The following TRIM36 variants were observed in gnomAD, a reference collection of about 807,000 sequenced individuals.
The protein encoded by TRIM36 is E3 ubiquitin-protein ligase TRIM36.
A neutral mutation model predicts 72.4 loss-of-function variants in TRIM36; 42 were observed. The ratio of observed to expected loss-of-function variants is 0.58; its 90% CI spans 0.45 to 0.75. The LOEUF (loss-of-function observed/expected upper bound fraction) is 0.75, where lower values mean the gene tolerates loss of function less well. Ranked by LOEUF, TRIM36 falls within the 30% of genes least tolerant of loss-of-function variation. The pLI, the probability that TRIM36 is intolerant of heterozygous loss-of-function variation, is 0.00. For synonymous variants in TRIM36, 315 were observed against 282.8 expected (o/e 1.11, Z -1.14); for missense variants, 913 against 857.1 (o/e 1.07, Z -0.81).
chr5:115,150,264 C>A (rs1485037392), intron 2 of TRIM36, among the ~76,000 whole-genome samples: 1 of 152,180 alleles, frequency 6.6e-6, no homozygotes, highest in Non-Finnish European at 1.5e-5. Context: ...CAACTTTCTA[C>A]TTTCCATGGC....
intron 7 of TRIM36, among the ~76,000 whole-genome samples, 168 bp from the exon 8 acceptor site, chr5:115,134,315 A>G (rs1172073090): frequency 2.0e-5 from 3 of 151,804 alleles, no homozygotes; most frequent in Non-Finnish European, 4.4e-5. Context: ...TATATTAAAT[A>G]TTTTTTATAT....
intron 8 of TRIM36, among the ~76,000 whole-genome samples, chr5:115,131,690 G>GGATACATGCTACAACATGTAT (rs1162259570): frequency 2.0e-5 from 3 of 152,108 alleles, no homozygotes; most frequent in Non-Finnish European, 2.9e-5. Flanking sequence ...ACATACATTT[G>GGATACATGCTACAACATGTAT]GATACATGCT....
At chr5:115,140,796 T>A (rs139429356) in intron 5 of TRIM36, among the ~76,000 whole-genome samples, 1 of 152,328 alleles carries the variant, frequency 6.6e-6, no homozygotes, top group African/African-American at 2.4e-5. Context: ...AGATCCCACT[T>A]TGTGACAATT....
intron 1 of TRIM36, among the ~76,000 whole-genome samples, chr5:115,179,533 T>A (rs541033264): frequency 6.6e-6 from 1 of 152,336 alleles, no homozygotes; most frequent in African/African-American, 2.4e-5. Context: ...GATCGCACAC[T>A]TCGAGCCTGT....
intron 2 of TRIM36, among the ~76,000 whole-genome samples, chr5:115,161,651 G>A (rs78038489): frequency 0.013 from 2,028 of 152,236 alleles, 42 homozygotes; most frequent in African/African-American, 0.047. Context: ...CCCTGACACT[G>A]CCAAGTGGTT....
chr5:115,152,475 C>T (rs543345161), intron 2 of TRIM36, among the ~76,000 whole-genome samples: 8 of 152,132 alleles, frequency 5.3e-5, no homozygotes, highest in Admixed American at 2.0e-4. Flanking sequence ...AAAACTACCC[C>T]AGCCTTGCTA....
At chr5:115,131,115 A>T (rs1249345598) in intron 8 of TRIM36, among the ~76,000 whole-genome samples, 1 of 152,156 alleles carries the variant, frequency 6.6e-6, no homozygotes, top group Non-Finnish European at 1.5e-5. Context: ...GCAGATGTAA[A>T]TATTTTAAAT....
chr5:115,151,529 G>A (rs1310689763), intron 2 of TRIM36, among the ~76,000 whole-genome samples: 4 of 152,182 alleles, frequency 2.6e-5, no homozygotes, highest in African/African-American at 9.7e-5. Flanking sequence ...TACCACCACA[G>A]TTGATGCTCT....
chr5:115,131,919 T>C (rs1752699923), intron 8 of TRIM36, among the ~76,000 whole-genome samples: 1 of 152,114 alleles, frequency 6.6e-6, no homozygotes, highest in Admixed American at 6.5e-5. Context: ...AGGGTTTCAG[T>C]TTAGAATAAT....
At chr5:115,155,296 C>T (rs1236806844) in intron 2 of TRIM36, among the ~76,000 whole-genome samples, 4 of 152,066 alleles carry the variant, frequency 2.6e-5, no homozygotes, top group African/African-American at 4.8e-5. Flanking sequence ...TGCAGTGAGC[C>T]GAGATCGCAC....
chr5:115,165,741 T>C (rs1754732975), intron 1 of TRIM36, among the ~76,000 whole-genome samples: 4 of 151,682 alleles, frequency 2.6e-5, no homozygotes, highest in Admixed American at 1.3e-4. Flanking sequence ...TGCTCCTGGG[T>C]GCAATTGCAG....
intron 6 of TRIM36, 104 bp downstream of exon 6, chr5:115,137,259 C>T: frequency 6.7e-7 from 1 of 1,492,298 alleles, no homozygotes; most frequent in South Asian, 1.4e-5. Flanking sequence ...ATGTACCTCA[C>T]ATTAACACAG....
chr5:115,163,897 T>A, intron 1 of TRIM36, 145 bp from the exon 2 acceptor site: 1 of 760,882 alleles, frequency 1.3e-6, no homozygotes, highest in East Asian at 2.7e-5. Flanking sequence ...TTTTCCCCAA[T>A]AAAATTTGAT....
At chr5:115,130,526 A>T in intron 9 of TRIM36, 66 bp downstream of exon 9, 1 of 1,519,656 alleles carries the variant, frequency 6.6e-7, no homozygotes, top group Non-Finnish European at 8.9e-7. Context: ...AATGTAACAA[A>T]GCCAAATCTA....
intron 4 of TRIM36, among the ~76,000 whole-genome samples, chr5:115,142,834 T>C (rs146827887): frequency 6.2e-4 from 95 of 152,310 alleles, no homozygotes; most frequent in Middle Eastern, 3.4e-3. Context: ...CCCAGTTCTT[T>C]AGGAACTAAT....
Position 115,130,633 on chromosome 5 carries a change from T to C in TRIM36, c.1755A>G (p.Leu585=), listed in dbSNP as rs940986647. 13 of 1,614,094 alleles carry C rather than the reference T, an allele frequency of 8.1e-6. No individual in the cohort carries two copies. The East Asian group carries it at 1.1e-4, about 14-fold the overall frequency. ...CCCGGGGAGAACGGAGCCATTCTTG[T>C]AGTTTATCGCTAGAAGCAACTCCCA... ...VKVGVASSDK[L]QEWLRSPRDA... The change falls in exon 9 of 10, where the codon CTA becomes CTG. Residue 585 remains leucine, a synonymous_variant. Transcript: ENST00000513154.
chr5:115,126,273 C>A lies in TRIM36; in HGVS notation c.*230G>T. On this transcript the variant is annotated 3_prime_UTR_variant, in exon 10 of 10. Coordinates refer to ENST00000513154, the MANE Select transcript of TRIM36 (RefSeq NM_001300759.2). ...AAAGACAGTCCAGTTGCAAAGTTAA[C>A]CACTTCAGTATTAACTTGGAAAGAA... The A allele has an allele frequency of 2.1e-6, 1 of 476,586 alleles. No homozygotes were observed. Among genetic ancestry groups the A allele is most frequent in the Non-Finnish European group, 3.7e-6 (1 of 270,118 alleles). The allele number at this position is 476,586 out of a possible 1,614,324, so 29.5% of individuals were successfully genotyped here.
At chr5:115,143,192 G>A (rs1241420810) in intron 4 of TRIM36, among the ~76,000 whole-genome samples, 1 of 122,972 alleles carries the variant, frequency 8.1e-6, no homozygotes, top group African/African-American at 3.2e-5. Context: ...ACACAAGGCT[G>A]GAAAGAGTGC....
In TRIM36 at chr5:115,126,315, A is replaced by G; in HGVS notation, c.*188T>C. On this transcript the variant is annotated 3_prime_UTR_variant, in exon 10 of 10. Transcript: ENST00000513154. ...TGGAAAGAACATCTTCACTTTCATC[A>G]TTTGTGAAAGGCAGAACAACGACAT... 3.6e-6 allele frequency: 2 copies of G among 551,154 alleles called. No homozygotes were observed. The highest frequency in any genetic ancestry group is 3.2e-6 in the Non-Finnish European group (1 of 315,462). 34.1% of individuals were successfully genotyped at this position (551,154 alleles called of 1,614,324 possible). A position where few individuals can be genotyped will look rare whatever the true frequency, so the allele number is the denominator to read the frequency against.
Sources: gnomAD v4.1 joint callset for allele counts (sites outside exome capture counted in the v4.1 genomes callset) on GRCh38, gnomAD v4.1.1 for gene constraint, MANE v1.5 for transcripts, NCBI Gene and HGNC (gene_info 2026-07-23, HGNC 2026-07-21) for gene names.